Variants in SLC45A2 observed in about 807,000 individuals in gnomAD.
The protein encoded by SLC45A2 is solute carrier family 45 member 2.
Under a neutral mutation model 45.5 loss-of-function variants are expected in SLC45A2, and 36 were observed. The ratio of observed to expected loss-of-function variants is 0.79; its 90% confidence interval spans 0.61 to 1.04. The LOEUF (loss-of-function observed/expected upper bound fraction) is 1.04. Among genes scored for constraint, SLC45A2 ranks in the 50% least tolerant of loss-of-function variants. The pLI, the probability that SLC45A2 is intolerant of heterozygous loss-of-function variation, is 0.00. For missense variants in SLC45A2, 719 were observed against 671.0 expected, an observed-to-expected ratio of 1.07 and a Z score of -0.79; for synonymous variants, 306 against 269.3, an observed-to-expected ratio of 1.14 and a Z score of -1.33.
At chr5:33,977,105 G>A (rs1442765864) in intron 2 of SLC45A2, among the ~76,000 whole-genome samples, 1 of 152,218 alleles carries the variant, frequency 6.6e-6, no homozygotes, top group African/African-American at 2.4e-5. Context: ...AAAAGGAAGA[G>A]ACAGTGAGGG....
intron 2 of SLC45A2, among the ~76,000 whole-genome samples, chr5:33,977,555 T>G (rs565052641): frequency 6.6e-6 from 1 of 152,290 alleles, no homozygotes; most frequent in South Asian, 2.1e-4. Flanking sequence ...CCAAGCAGCT[T>G]TGATCTCCAC....
chr5:33,955,448 T>G (rs1252876989), intron 3 of SLC45A2, among the ~76,000 whole-genome samples: 1 of 152,172 alleles, frequency 6.6e-6, no homozygotes, highest in Non-Finnish European at 1.5e-5. Flanking sequence ...ACTGATGTTG[T>G]TTTAAGCAGC....
chr5:33,979,034 A>G (rs1026669377), intron 2 of SLC45A2, among the ~76,000 whole-genome samples: 1 of 152,228 alleles, frequency 6.6e-6, no homozygotes, highest in Admixed American at 6.5e-5. Context: ...AAATACTGTC[A>G]ATGAAAAGAG....
At chr5:33,963,051 C>T (rs1752494188) in intron 3 of SLC45A2, among the ~76,000 whole-genome samples, 1 of 152,202 alleles carries the variant, frequency 6.6e-6, no homozygotes, top group African/African-American at 2.4e-5. Context: ...TGAAATGTAG[C>T]TAATGCAACT....
intron 2 of SLC45A2, chr5:33,971,544 T>A (rs1284310761): frequency 4.1e-6 from 1 of 246,840 alleles, no homozygotes; most frequent in Non-Finnish European, 7.9e-6. Flanking sequence ...GCTCAGGTGA[T>A]CCTTCCACCT....
At chr5:33,960,347 C>G (rs2111950027) in intron 3 of SLC45A2, among the ~76,000 whole-genome samples, 1 of 151,296 alleles carries the variant, frequency 6.6e-6, no homozygotes, top group Admixed American at 6.6e-5. Flanking sequence ...AGGTTGGTTC[C>G]ACGTTTTTGC....
intron 2 of SLC45A2, among the ~76,000 whole-genome samples, chr5:33,969,241 C>A (rs1752710168): frequency 1.3e-5 from 2 of 149,532 alleles, no homozygotes; most frequent in South Asian, 4.3e-4. Context: ...AAAAAGCAGT[C>A]AAAATGATAC....
intron 5 of SLC45A2, among the ~76,000 whole-genome samples, chr5:33,949,914 G>A (rs549412957): frequency 6.6e-6 from 1 of 152,212 alleles, no homozygotes; most frequent in East Asian, 1.9e-4. Flanking sequence ...AGGGCTGGAT[G>A]TAGTGCCTCA....
chr5:33,971,144 G>A, intron 2 of SLC45A2: 1 of 531,328 alleles, frequency 1.9e-6, no homozygotes, highest in Non-Finnish European at 3.9e-6. Flanking sequence ...CTGAAGCCAG[G>A]AACAAGAGTT....
chr5:33,984,205 C>A lies in SLC45A2; in HGVS notation c.379G>T (p.Val127Leu), dbSNP rs1301134860. ...MALYLNGATV[V>L]AALIANPRRK... ...CCTTGTGCAGCCCACTTACCTGCTA[C>A]AACAGTAGCCCCATTGAGGTACAGA... The change falls in exon 1 of 7, where the codon GTA becomes TTA. Residue 127 changes from valine (V) to leucine (L), a missense_variant. By Grantham distance (32) the Val-to-Leu change is conservative. Transcript: ENST00000296589. 9.9e-6 allele frequency: 16 copies of A among 1,613,894 alleles called. No individual in the cohort carries two copies. The highest frequency in any genetic ancestry group is 1.3e-5 in the Non-Finnish European group (15 of 1,180,014).
At position 33,982,124 on chromosome 5, in the gene SLC45A2, C is replaced by T. The variant is rs541435252; in HGVS notation, c.562+112G>A. ...TGCCCGCATGACGGGAGCAGCCCATCAGCTGACCCGTTCATTCAAAAAACT... is the reference window on the plus strand; with the variant it reads ...TGCCCGCATGACGGGAGCAGCCCATTAGCTGACCCGTTCATTCAAAAAACT... On this transcript the variant is annotated intron_variant, in intron 2 of 6. Transcript: ENST00000296589. 35 of 1,218,344 alleles carry T rather than the reference C, an allele frequency of 2.9e-5. No individual in the cohort carries two copies. The East Asian group carries it at 7.7e-4, about 27-fold the overall frequency. The allele number at this position is 1,218,344 out of a possible 1,614,324, so 75.5% of individuals were successfully genotyped here. A position where few individuals can be genotyped will look rare whatever the true frequency, so the allele number is the denominator to read the frequency against.
intron 2 of SLC45A2, chr5:33,970,852 C>T (rs576417067): frequency 6.2e-6 from 2 of 324,220 alleles, no homozygotes; most frequent in Admixed American, 4.0e-5. Context: ...AAACAAATAG[C>T]ACTTCTCATC....
intron 5 of SLC45A2, among the ~76,000 whole-genome samples, chr5:33,948,890 T>C (rs146144555): frequency 1.1e-4 from 17 of 152,310 alleles, no homozygotes; most frequent in African/African-American, 4.1e-4. Flanking sequence ...AGACTGAAAG[T>C]CTGGCAAAGA....
At chr5:33,957,682 C>A (rs937315259) in intron 3 of SLC45A2, among the ~76,000 whole-genome samples, 3 of 152,152 alleles carry the variant, frequency 2.0e-5, no homozygotes, top group African/African-American at 4.8e-5. Context: ...GAAACAACAG[C>A]CTGGTTTTCA....
At chr5:33,978,777 A>T (rs1752998480) in intron 2 of SLC45A2, among the ~76,000 whole-genome samples, 1 of 152,192 alleles carries the variant, frequency 6.6e-6, no homozygotes, top group South Asian at 2.1e-4. Context: ...TATAACTCAA[A>T]CAACTTGGGC....
chr5:33,972,348 A>G, intron 2 of SLC45A2: 1 of 381,618 alleles, frequency 2.6e-6, no homozygotes, highest in Non-Finnish European at 5.3e-6. Flanking sequence ...AAGATTAGAT[A>G]GAAAAAAATA....
In SLC45A2 at chr5:33,946,374, T is replaced by C. The variant is rs180707453; in HGVS notation, c.1368+789A>G. On this transcript the variant is annotated intron_variant, in intron 6 of 6. Transcript: ENST00000296589. Reference sequence around the variant, plus strand: ...CTGATGGTTATATGTTCAGTGTTTTTGCAGTTTCATGCTGAGCTGGATTAA... The same window carrying C: ...CTGATGGTTATATGTTCAGTGTTTTCGCAGTTTCATGCTGAGCTGGATTAA... The C allele has an allele frequency of 1.2e-4, 119 of 985,526 alleles. No homozygotes were observed. In the African/African-American group the frequency reaches 2.1e-3, roughly 17 times the overall value. The allele number at this position is 985,526 out of a possible 1,614,324, so 61.0% of individuals were successfully genotyped here.
intron 3 of SLC45A2, among the ~76,000 whole-genome samples, chr5:33,958,805 A>T (rs1010872): frequency 6.6e-6 from 1 of 152,132 alleles, no homozygotes; most frequent in Non-Finnish European, 1.5e-5. Flanking sequence ...GAGTTCCATG[A>T]CTTTCAAAAG....
Position 33,970,926 on chromosome 5 carries a change from A to G in SLC45A2, c.563-6910T>C, listed in dbSNP as rs752126931. On this transcript the variant is annotated intron_variant, in intron 2 of 6. Coordinates refer to ENST00000296589, the MANE Select transcript of SLC45A2 (RefSeq NM_016180.5). ...CAAGAAGCTGCCAGAGTGCATGGAG[A>G]TGGGCACCATCTTAAGGAGCTAAGG... The G allele has an allele frequency of 4.1e-5, 17 of 410,894 alleles. 1 individual carries two copies. The highest frequency in any genetic ancestry group is 7.6e-5 in the Non-Finnish European group (16 of 210,160). The allele number at this position is 410,894 out of a possible 1,614,324, so 25.5% of individuals were successfully genotyped here.
Sources: gnomAD v4.1 joint callset for allele counts (sites outside exome capture counted in the v4.1 genomes callset) on GRCh38, gnomAD v4.1.1 for gene constraint, MANE v1.5 for transcripts, NCBI Gene and HGNC (gene_info 2026-07-23, HGNC 2026-07-21) for gene names.